Variants in PPARGC1B observed in about 807,000 individuals in gnomAD.
PPARGC1B encodes PPARG coactivator 1 beta.
PPARGC1B carries 34 observed loss-of-function variants against 101.6 expected under a neutral mutation model. The ratio of observed to expected loss-of-function variants is 0.33; its 90% confidence interval spans 0.25 to 0.45. PPARGC1B has a LOEUF of 0.45. Among genes scored for constraint, PPARGC1B ranks in the 20% least tolerant of loss-of-function variants. PPARGC1B has a pLI of 1.00. For synonymous variants in PPARGC1B, 548 were observed against 539.3 expected (o/e 1.02, Z -0.22); for missense variants, 1,234 against 1,317.6 (o/e 0.94, Z 0.98).
At chr5:149,748,286 G>GAGATATAGATATAGATATAGATAT (rs56098088) in intron 1 of PPARGC1B, among the ~76,000 whole-genome samples, 11 of 148,338 alleles carry the variant, frequency 7.4e-5, no homozygotes, top group African/African-American at 2.8e-4. Context: ...ATGGGGTGAA[G>GAGATATAGATATAGATATAGATAT]AGATATAGAT....
chr5:149,817,388 A>T (rs139850039), intron 1 of PPARGC1B, among the ~76,000 whole-genome samples: 79 of 152,272 alleles, frequency 5.2e-4, no homozygotes, highest in African/African-American at 1.8e-3. Flanking sequence ...GCTGAGGTTG[A>T]AGGATTGCTT....
rs1434567358 is a variant in PPARGC1B at position 149,851,187 on chromosome 5, C to T, written c.*3629C>T. 3 of 152,268 alleles carry T rather than the reference C, an allele frequency of 2.0e-5. No homozygotes were observed. The highest frequency in any genetic ancestry group is 1.3e-4 in the Admixed American group (2 of 15,270). The allele number at this position is 152,268 out of a possible 1,614,324, so 9.4% of individuals were successfully genotyped here. On this transcript the variant is annotated 3_prime_UTR_variant, in exon 12 of 12. Coordinates refer to ENST00000309241, the MANE Select transcript of PPARGC1B (RefSeq NM_133263.4). The stretch of plus-strand genomic sequence containing the variant: ...TGACGTGGGAGGAGATGCAGTGAGA[C>T]GTCTCTTGTTGCCTAAAGCCTGTTC...
intron 1 of PPARGC1B, among the ~76,000 whole-genome samples, chr5:149,751,268 TTTTA>T (rs1224994771): frequency 6.6e-6 from 1 of 152,234 alleles, no homozygotes; most frequent in Non-Finnish European, 1.5e-5. Context: ...GATTATCTCT[TTTTA>T]TTTATTTATT....
At chr5:149,801,094 C>G (rs1437994897) in intron 1 of PPARGC1B, among the ~76,000 whole-genome samples, 1 of 152,108 alleles carries the variant, frequency 6.6e-6, no homozygotes, top group East Asian at 1.9e-4. Flanking sequence ...AGAGCAGGAC[C>G]TTGTAGGACG....
chr5:149,749,823 C>T (rs940093704), intron 1 of PPARGC1B, among the ~76,000 whole-genome samples: 4 of 152,082 alleles, frequency 2.6e-5, no homozygotes, highest in Non-Finnish European at 5.9e-5. Flanking sequence ...TCTTTCTAAA[C>T]GTGAGCTGTT....
chr5:149,833,741 G>A lies in PPARGC1B; in HGVS notation c.1668G>A (p.Met556Ile), dbSNP rs1292757667. Residue 556 changes from methionine (M) to isoleucine (I), a missense_variant, in exon 5 of 12, where the codon ATG becomes ATA. Met to Ile is a conservative substitution (Grantham distance 10). Coordinates refer to ENST00000309241, the MANE Select transcript of PPARGC1B (RefSeq NM_133263.4). The surrounding 1 kb of genome is among the most constrained non-coding windows in gnomAD (Gnocchi z 4.1). The part of the protein sequence containing the change: ...ESPCESGCGD[M>I]DEDPSCPQLP... The stretch of plus-strand genomic sequence containing the variant: ...CCTGTGAGAGTGGGTGTGGGGACAT[G>A]GATGAGGACCCCAGCTGCCCGCAGC... 3.8e-6 allele frequency: 6 copies of A among 1,572,570 alleles called. No homozygotes were observed. The East Asian group carries it at 6.8e-5, about 18-fold the overall frequency.
chr5:149,807,703 T>A (rs193284975), intron 1 of PPARGC1B, among the ~76,000 whole-genome samples: 1 of 152,344 alleles, frequency 6.6e-6, no homozygotes, highest in Non-Finnish European at 1.5e-5. Flanking sequence ...TAACAGTTCC[T>A]GGAGAGTTTC....
rs565528508 is a variant in PPARGC1B at position 149,834,730 on chromosome 5, T to C, written c.1742+20T>C. ...ACAAAGGTAGATTTTTAGAAATTAT[T>C]GGTGTATTGTTCCATGAGATTTTGT... On this transcript the variant is annotated intron_variant, in intron 6 of 11. Coordinates refer to ENST00000309241, the MANE Select transcript of PPARGC1B (RefSeq NM_133263.4). 5.0e-6 allele frequency: 8 copies of C among 1,605,910 alleles called. No individual in the cohort carries two copies. Among genetic ancestry groups the C allele is most frequent in the African/African-American group, 1.3e-5 (1 of 74,868 alleles).
rs1255257185 is a variant in PPARGC1B, at chr5:149,730,856, C to T, written c.78+436C>T. Among the ~76,000 whole-genome samples, 33 of 152,220 alleles carry T rather than the reference C, an allele frequency of 2.2e-4. No homozygotes were observed. Among genetic ancestry groups the T allele is most frequent in the Non-Finnish European group, 2.9e-5 (2 of 68,022 alleles). Reference sequence around the variant, plus strand: ...CGGCACGGGTGCATGCCCGGGTCTCCGGAGTCCCCTAGTCCTCCAGGCTGT... The same window carrying T: ...CGGCACGGGTGCATGCCCGGGTCTCTGGAGTCCCCTAGTCCTCCAGGCTGT... On this transcript the variant is annotated intron_variant, in intron 1 of 11. Coordinates refer to ENST00000309241, the MANE Select transcript of PPARGC1B (RefSeq NM_133263.4). The surrounding 1 kb of genome is among the most constrained non-coding windows in gnomAD (Gnocchi z 4.0).
At chr5:149,799,464 T>C (rs2113284380) in intron 1 of PPARGC1B, among the ~76,000 whole-genome samples, 1 of 152,214 alleles carries the variant, frequency 6.6e-6, no homozygotes, top group East Asian at 1.9e-4. Context: ...TCTCATGCCC[T>C]TCCCTGAGCA....
At chr5:149,739,245 T>G (rs887429848) in intron 1 of PPARGC1B, among the ~76,000 whole-genome samples, 3 of 152,240 alleles carry the variant, frequency 2.0e-5, no homozygotes, top group Non-Finnish European at 4.4e-5. Context: ...TCCATCTCCA[T>G]GTACAAGACG....
rs550648504 is a variant in PPARGC1B, at chr5:149,847,159, T to A, written c.2972-299T>A. The A allele has an allele frequency of 4.3e-4, 221 of 510,642 alleles. No individual in the cohort carries two copies. In the South Asian group the frequency reaches 4.4e-3, roughly 10 times the overall value. 31.6% of individuals were successfully genotyped at this position (510,642 alleles called of 1,614,324 possible). On this transcript the variant is annotated intron_variant, in intron 11 of 11. Transcript: ENST00000309241. The stretch of plus-strand genomic sequence containing the variant: ...AGCAGGTTACTAATGGACGAGAAGC[T>A]GTTGGGGGAAGTAGAGTTGTAGGGT...
chr5:149,738,140 C>T (rs1754792007), intron 1 of PPARGC1B, among the ~76,000 whole-genome samples: 1 of 152,174 alleles, frequency 6.6e-6, no homozygotes, highest in Non-Finnish European at 1.5e-5. Flanking sequence ...GACATCACTC[C>T]TGGACGTTAA....
intron 1 of PPARGC1B, among the ~76,000 whole-genome samples, chr5:149,782,258 G>A (rs1325996822): frequency 6.6e-6 from 1 of 152,150 alleles, no homozygotes; most frequent in Non-Finnish European, 1.5e-5. Context: ...CATTTACTGT[G>A]TGACCTTGGG....
intron 1 of PPARGC1B, among the ~76,000 whole-genome samples, chr5:149,807,990 AT>A (rs1441368470): frequency 2.0e-5 from 3 of 152,198 alleles, no homozygotes; most frequent in African/African-American, 7.2e-5. Context: ...GATCAATCCT[AT>A]TTATATCAGT....
chr5:149,801,846 G>T lies in PPARGC1B; in HGVS notation c.79-18587G>T, dbSNP rs186981460. ...CAGGAAGGCCCAGCAACCCAGAGAG[G>T]CTGCAGCTGTAGTTGCTTAAGGACT... On this transcript the variant is annotated intron_variant, in intron 1 of 11. Coordinates refer to ENST00000309241, the MANE Select transcript of PPARGC1B (RefSeq NM_133263.4). Among the ~76,000 whole-genome samples, 365 of 152,254 alleles carry T rather than the reference G, an allele frequency of 2.4e-3. 1 individual carries two copies. Among genetic ancestry groups the T allele is most frequent in the African/African-American group, 8.2e-3 (340 of 41,534 alleles).
In PPARGC1B at chr5:149,757,157, A is replaced by G. The variant is rs1300828371; in HGVS notation, c.78+26737A>G. Among the ~76,000 whole-genome samples, 5 of 152,204 alleles carry G rather than the reference A, an allele frequency of 3.3e-5. No homozygotes were observed. The East Asian group carries it at 7.7e-4, about 23-fold the overall frequency. ...AAGTGCGGTCCAGACGCCTCTCTGC[A>G]ATGGTATTCATGCTGAAGCTGGAGA... On this transcript the variant is annotated intron_variant, in intron 1 of 11. Transcript: ENST00000309241.
chr5:149,786,746 G>A (rs1021475289), intron 1 of PPARGC1B, among the ~76,000 whole-genome samples: 4 of 152,230 alleles, frequency 2.6e-5, no homozygotes, highest in Non-Finnish European at 5.9e-5. Context: ...ACTTCAGAGG[G>A]TTCGAGTGGA....
chr5:149,844,457 G>C (rs1380447391), intron 10 of PPARGC1B, among the ~76,000 whole-genome samples: 1 of 152,214 alleles, frequency 6.6e-6, no homozygotes, highest in Non-Finnish European at 1.5e-5. Flanking sequence ...GGCCAACATG[G>C]TGAAACCCCG....
Sources: gnomAD v4.1 joint callset for allele counts (sites outside exome capture counted in the v4.1 genomes callset) on GRCh38, gnomAD v4.1.1 for gene constraint, Gnocchi (gnomAD v3.1) non-coding constraint, MANE v1.5 for transcripts, NCBI Gene and HGNC (gene_info 2026-07-23, HGNC 2026-07-21) for gene names.